Variants in ARFGEF1 observed in about 807,000 individuals in gnomAD.
ARFGEF1 encodes the protein brefeldin A-inhibited guanine nucleotide-exchange protein 1.
Under a neutral mutation model 231.0 loss-of-function variants are expected in ARFGEF1, and 42 were observed. That is an observed-to-expected ratio of 0.18 (90% CI 0.14 to 0.24). ARFGEF1 has a LOEUF of 0.24. Among genes scored for constraint, ARFGEF1 ranks in the 10% least tolerant of loss-of-function variants. The pLI, the probability that ARFGEF1 is intolerant of heterozygous loss-of-function variation, is 1.00. For synonymous variants in ARFGEF1, 710 were observed against 732.3 expected (o/e 0.97, Z 0.49); for missense variants, 1,345 against 2,192.0 (o/e 0.61, Z 7.72).
At chr8:67,274,556 T>C (rs1228611620) in intron 9 of ARFGEF1, among the ~76,000 whole-genome samples, 1 of 152,096 alleles carries the variant, frequency 6.6e-6, no homozygotes, top group Non-Finnish European at 1.5e-5. Context: ...TAGCATCTTT[T>C]CAAAACCAGA....
chr8:67,194,786 C>T (rs570159006), downstream of ARFGEF1, among the ~76,000 whole-genome samples: 19 of 151,786 alleles, frequency 1.3e-4, no homozygotes, highest in Admixed American at 7.9e-4. Flanking sequence ...ATAGAAGTTG[C>T]GTACAATCAA....
At chr8:67,301,935 G>A (rs1391758972) in intron 2 of ARFGEF1, among the ~76,000 whole-genome samples, 1 of 152,134 alleles carries the variant, frequency 6.6e-6, no homozygotes, top group Non-Finnish European at 1.5e-5. Flanking sequence ...AGCAGAGTCT[G>A]GTGGCTCATG....
downstream of ARFGEF1, chr8:67,195,299 G>A (rs1837689173): frequency 1.2e-6 from 1 of 843,732 alleles, no homozygotes. Flanking sequence ...GAGTTGTAAT[G>A]AGTTGGACTA....
chr8:67,240,756 T>A (rs1423508212), intron 19 of ARFGEF1, among the ~76,000 whole-genome samples: 2 of 152,192 alleles, frequency 1.3e-5, no homozygotes, highest in African/African-American at 4.8e-5. Flanking sequence ...AAAAAATAGT[T>A]AAATATTTTA....
chr8:67,224,633 T>C (rs553858650), intron 29 of ARFGEF1, among the ~76,000 whole-genome samples: 2 of 152,246 alleles, frequency 1.3e-5, no homozygotes, highest in South Asian at 4.2e-4. Flanking sequence ...AGACGGAATG[T>C]TTAAAGGATT....
chr8:67,219,368 T>C (rs919426463), intron 30 of ARFGEF1, 63 bp downstream of exon 30: 2 of 1,527,134 alleles, frequency 1.3e-6, no homozygotes, highest in African/African-American at 2.8e-5. Flanking sequence ...TAAAATGTAT[T>C]GATTATAATA....
At chr8:67,341,100 A>G (rs1175214175) in intron 1 of ARFGEF1, among the ~76,000 whole-genome samples, 1 of 152,094 alleles carries the variant, frequency 6.6e-6, no homozygotes, top group African/African-American at 2.4e-5. Flanking sequence ...TAATACTACA[A>G]CGTAACAGAA....
At chr8:67,303,402 C>T (rs913726464) in intron 1 of ARFGEF1, among the ~76,000 whole-genome samples, 3 of 152,116 alleles carry the variant, frequency 2.0e-5, no homozygotes, top group Non-Finnish European at 4.4e-5. Flanking sequence ...AAATCCTACC[C>T]GTAATAGAAG....
intron 6 of ARFGEF1, 71 bp from the exon 7 acceptor site, chr8:67,288,136 T>A: frequency 1.1e-6 from 1 of 905,614 alleles, no homozygotes; most frequent in Non-Finnish European, 1.6e-6. Flanking sequence ...ACATTTATGA[T>A]GAAAAAACTC....
At chr8:67,196,781 T>A (rs1237454584), downstream of ARFGEF1, among the ~76,000 whole-genome samples, 1 of 152,112 alleles carries the variant, frequency 6.6e-6, no homozygotes, top group Non-Finnish European at 1.5e-5. Context: ...AACTGCCAGG[T>A]TGTGTGGAGC....
chr8:67,263,371 CA>C (rs1804716808), intron 14 of ARFGEF1, among the ~76,000 whole-genome samples: 1 of 152,204 alleles, frequency 6.6e-6, no homozygotes, highest in Admixed American at 6.5e-5. Context: ...AGGCTGCCAG[CA>C]AAGTCCTATT....
chr8:67,329,356 C>T (rs1008772546), intron 1 of ARFGEF1, among the ~76,000 whole-genome samples: 3 of 151,846 alleles, frequency 2.0e-5, no homozygotes, highest in African/African-American at 4.8e-5. Flanking sequence ...GGTGAAACCC[C>T]GTCTCTATTA....
At chr8:67,228,577 AT>A (rs1839455689) in intron 23 of ARFGEF1, among the ~76,000 whole-genome samples, 1 of 152,080 alleles carries the variant, frequency 6.6e-6, no homozygotes, top group South Asian at 2.1e-4. Context: ...AAAAATATTA[AT>A]TTGTAAAACT....
At chr8:67,286,406 C>T (rs1308854689) in intron 7 of ARFGEF1, among the ~76,000 whole-genome samples, 1 of 152,128 alleles carries the variant, frequency 6.6e-6, no homozygotes, top group African/African-American at 2.4e-5. Flanking sequence ...TTGTTAGATG[C>T]TGGTGAATTT....
intron 22 of ARFGEF1, among the ~76,000 whole-genome samples, chr8:67,235,070 GTA>G (rs374307984): frequency 0.13 from 19,119 of 146,868 alleles, 2,341 homozygotes; most frequent in African/African-American, 0.32. Flanking sequence ...GTGTATGTGT[GTA>G]TATATATATA....
chr8:67,335,871 T>C (rs1020455866), intron 1 of ARFGEF1, among the ~76,000 whole-genome samples: 2 of 151,946 alleles, frequency 1.3e-5, no homozygotes, highest in African/African-American at 4.8e-5. Context: ...CTCAGCCTCC[T>C]AAATAGCTGG....
At chr8:67,264,159 T>G (rs1237749949) in intron 14 of ARFGEF1, among the ~76,000 whole-genome samples, 1 of 152,046 alleles carries the variant, frequency 6.6e-6, no homozygotes, top group Non-Finnish European at 1.5e-5. Context: ...TCAAGAAAGG[T>G]TACTCTAGTT....
chr8:67,275,851 T>C lies in ARFGEF1; in HGVS notation c.1337+125A>G, dbSNP rs193227057. The C allele has an allele frequency of 2.1e-4, 256 of 1,220,240 alleles. No individual in the cohort carries two copies. In the African/African-American group the frequency reaches 3.7e-3, roughly 18 times the overall value. 75.6% of individuals were successfully genotyped at this position (1,220,240 alleles called of 1,614,324 possible). On this transcript the variant is annotated intron_variant, in intron 9 of 38. Coordinates refer to ENST00000262215, the MANE Select transcript of ARFGEF1 (RefSeq NM_006421.5). Reference sequence around the variant, plus strand: ...TTTCTTAAACGTAAAATACCTCCCCTCCACCCAATTTTTTTTTATGGTTCT... The same window carrying C: ...TTTCTTAAACGTAAAATACCTCCCCCCCACCCAATTTTTTTTTATGGTTCT...
intron 19 of ARFGEF1, among the ~76,000 whole-genome samples, chr8:67,244,266 A>ACAAAAAAAAAAAC (rs1204678816): frequency 5.8e-5 from 1 of 17,208 alleles, no homozygotes; most frequent in African/African-American, 2.9e-4. Context: ...AAAAAAAAAA[A>ACAAAAAAAAAAAC]AACATTCGAC....
Sources: allele counts gnomAD v4.1 joint callset (sites outside exome capture counted in the v4.1 genomes callset), GRCh38; gene constraint gnomAD v4.1.1; transcripts MANE v1.5; gene names NCBI Gene and HGNC (gene_info 2026-07-23, HGNC 2026-07-21).